ZC3H6: variants seen among roughly 807,000 people sequenced by gnomAD.
ZC3H6 encodes zinc finger CCCH domain-containing protein 6.
Under a neutral mutation model 107.7 loss-of-function variants are expected in ZC3H6, and 40 were observed. The ratio of observed to expected loss-of-function variants is 0.37; its 90% CI spans 0.29 to 0.48. The LOEUF is 0.48. ZC3H6 is among the 20% of genes least tolerant of loss of function. ZC3H6 has a pLI of 0.98. For missense variants in ZC3H6, 1,267 were observed against 1,410.4 expected (o/e 0.90, Z 1.63); for synonymous variants, 493 against 487.9 (o/e 1.01, Z -0.14).
intron 4 of ZC3H6, 61 bp from the exon 5 acceptor site, chr2:112,311,743 C>CTTAT: frequency 6.9e-7 from 1 of 1,453,234 alleles, no homozygotes; most frequent in Non-Finnish European, 9.4e-7. Context: ...TCCTTATAAA[C>CTTAT]TAATAAATTG....
intron 1 of ZC3H6, among the ~76,000 whole-genome samples, chr2:112,297,543 G>A (rs903833396): frequency 6.6e-5 from 10 of 151,998 alleles, no homozygotes; most frequent in Non-Finnish European, 1.3e-4. Context: ...CATGTGTATC[G>A]GTTGGTTTAT....
chr2:112,322,786 T>C lies in ZC3H6; in HGVS notation c.1224T>C (p.Phe408=). Residue 408 remains phenylalanine (F), a synonymous_variant, in exon 9 of 12, where the codon TTT becomes TTC. Transcript: ENST00000409871. Reference sequence around the variant, plus strand: ...CAACCCCTCCAGAGCATTTTCCCTTTTCTGATCCTGAAGACGATTTTCAGA... The same window carrying C: ...CAACCCCTCCAGAGCATTTTCCCTTCTCTGATCCTGAAGACGATTTTCAGA... ...LLPTPPEHFP[F]SDPEDDFQTD... 1 of 1,613,940 alleles carries C rather than the reference T, an allele frequency of 6.2e-7. No homozygotes were observed. Among genetic ancestry groups the C allele is most frequent in the Non-Finnish European group, 8.5e-7 (1 of 1,179,874 alleles).
In ZC3H6 at chr2:112,317,229, G is replaced by A. The variant is rs1676715083; in HGVS notation, c.873G>A (p.Gln291=). 2.7e-6 allele frequency: 4 copies of A among 1,465,852 alleles called. No homozygotes were observed. In the South Asian group the frequency reaches 4.1e-5, roughly 15 times the overall value. The allele number at this position is 1,465,852 out of a possible 1,614,324, so 90.8% of individuals were successfully genotyped here. ...TTTTTTTTTGTGAATAGGGAGATCA[G>A]TGTAAATTTGATCATGATGCAGAGT... The part of the protein sequence containing the change: ...FLEGRCIKGD[Q]CKFDHDAELE... Residue 291 remains glutamine, a synonymous_variant, in exon 7 of 12, where the codon CAG becomes CAA. Transcript: ENST00000409871.
In ZC3H6 at chr2:112,324,236, T is replaced by C. The variant is rs1395311610; in HGVS notation, c.1425T>C (p.Ser475=). 2 of 1,613,308 alleles carry C rather than the reference T, an allele frequency of 1.2e-6. No homozygotes were observed. The highest frequency in any genetic ancestry group is 4.5e-5 in the East Asian group (2 of 44,846). Residue 475 remains serine (S), a synonymous_variant, in exon 10 of 12, where the codon TCT becomes TCC. Transcript: ENST00000409871. The stretch of plus-strand genomic sequence containing the variant: ...CACACCCTCAACATATCTATAGTTC[T>C]GGGTCAAGTCCAGGTCCTGGACCTA... The part of the protein sequence containing the change: ...SSPHPQHIYS[S]GSSPGPGPNM...
rs1558958873 is a variant in ZC3H6 at position 112,331,677 on chromosome 2, A to G, written c.2759A>G (p.Asp920Gly). 1.9e-6 allele frequency: 3 copies of G among 1,613,934 alleles called. No individual in the cohort carries two copies. Among genetic ancestry groups the G allele is most frequent in the South Asian group, 2.2e-5 (2 of 91,070 alleles). The change falls in exon 12 of 12, where the codon GAT becomes GGT. Residue 920 changes from aspartate to glycine, a missense_variant. This residue lies in a region of ZC3H6 where 925 missense variants were observed against 1,025.7 expected (regional missense o/e 0.90). Coordinates refer to ENST00000409871, the MANE Select transcript of ZC3H6 (RefSeq NM_198581.3). The stretch of plus-strand genomic sequence containing the variant: ...AATAGATTATGGAATACAAAAAGTG[A>G]TCTTCATCAAAATACAGTGTCCATT... The part of the protein sequence containing the change: ...RLNRLWNTKS[D>G]LHQNTVSIDP...
Position 112,324,167 on chromosome 2 carries a change from T to G in ZC3H6, c.1356T>G (p.Tyr452Ter). The change falls in exon 10 of 12, where the codon TAT becomes TAG. Residue 452 changes from tyrosine to a stop codon, truncating the protein, a stop_gained. Transcript: ENST00000409871. LOFTEE classifies it high-confidence loss of function. ...CTGTCTACAGGCCACCAGCATTTTATACCAGTGCCTCACCACCAGGACCAC... is the reference window on the plus strand; with the variant it reads ...CTGTCTACAGGCCACCAGCATTTTAGACCAGTGCCTCACCACCAGGACCAC... The part of the protein sequence containing the change: ...HKIGRKPPAF[Y>*]TSASPPGPQF... 6.3e-7 allele frequency: 1 copy of G among 1,581,608 alleles called. No individual in the cohort carries two copies. Among genetic ancestry groups the G allele is most frequent in the Non-Finnish European group, 8.6e-7 (1 of 1,157,436 alleles).
At chr2:112,286,121 A>C (rs62158754) in intron 1 of ZC3H6, 205,200 of 354,842 alleles carry the variant, frequency 0.58, 63,156 homozygotes, top group African/African-American at 0.9. Flanking sequence ...TTTCCTATCC[A>C]TGTCAGTTTT....
At chr2:112,305,119 C>T (rs1042818817) in intron 3 of ZC3H6, among the ~76,000 whole-genome samples, 5 of 152,114 alleles carry the variant, frequency 3.3e-5, no homozygotes, top group African/African-American at 1.2e-4. Context: ...ATTTTTACCA[C>T]AAGTGACAAA....
Position 112,331,655 on chromosome 2 carries a change from A to G in ZC3H6, c.2737A>G (p.Arg913Gly). The G allele has an allele frequency of 6.2e-7, 1 of 1,613,992 alleles. No individual in the cohort carries two copies. The highest frequency in any genetic ancestry group is 8.5e-7 in the Non-Finnish European group (1 of 1,179,894). ...ACTTATAGCTGACCAGAGGCTAAAT[A>G]GATTATGGAATACAAAAAGTGATCT... ...PPLIADQRLNRLWNTKSDLHQ... is the reference protein window; with the variant it reads ...PPLIADQRLNGLWNTKSDLHQ... The change falls in exon 12 of 12, where the codon AGA becomes GGA. Residue 913 changes from arginine to glycine, a missense_variant. Arg to Gly is a moderately radical substitution (Grantham distance 125). Coordinates refer to ENST00000409871, the MANE Select transcript of ZC3H6 (RefSeq NM_198581.3).
In ZC3H6 at chr2:112,339,818, TAG is replaced by T. The variant is rs1677210031; in HGVS notation, c.*7331_*7332del. On this transcript the variant is annotated 3_prime_UTR_variant, in exon 12 of 12. Transcript: ENST00000409871. The stretch of plus-strand genomic sequence containing the variant: ...TGGAAGGTTTTACTAGATATCAGTT[TAG>T]TAGATTAATGACGTTGTTAATCTGT... 1 of 152,124 alleles carries T rather than the reference TAG, an allele frequency of 6.6e-6. No individual in the cohort carries two copies. The highest frequency in any genetic ancestry group is 2.4e-5 in the African/African-American group (1 of 41,408). The allele number at this position is 152,124 out of a possible 1,614,324, so 9.4% of individuals were successfully genotyped here.
intron 1 of ZC3H6, among the ~76,000 whole-genome samples, chr2:112,294,489 A>G (rs1676189609): frequency 6.6e-6 from 1 of 152,186 alleles, no homozygotes; most frequent in South Asian, 2.1e-4. Context: ...TGTGGTGATC[A>G]TATTATCCCA....
chr2:112,320,087 C>T (rs1312290733), intron 7 of ZC3H6, among the ~76,000 whole-genome samples: 1 of 152,100 alleles, frequency 6.6e-6, no homozygotes, highest in African/African-American at 2.4e-5. Flanking sequence ...CATGCACCAC[C>T]ACGCCTGGCT....
Position 112,334,045 on chromosome 2 carries a change from C to CT in ZC3H6, c.*1558dup, listed in dbSNP as rs1405132235. 6.6e-6 allele frequency: 1 copy of CT among 151,928 alleles called. No homozygotes were observed. Among genetic ancestry groups the CT allele is most frequent in the Non-Finnish European group, 1.5e-5 (1 of 67,968 alleles). The allele number at this position is 151,928 out of a possible 1,614,324, so 9.4% of individuals were successfully genotyped here. A position where few individuals can be genotyped will look rare whatever the true frequency, so the allele number is the denominator to read the frequency against. ...GCCTACCTAAGAAGTTCATTGTGTT[C>CT]TAAGTGGAAGGAGAGTTACTGAAGG... is the stretch of plus-strand genomic sequence containing the variant. On this transcript the variant is annotated 3_prime_UTR_variant, in exon 12 of 12. Transcript: ENST00000409871.
In ZC3H6 at chr2:112,322,836, A is replaced by C; in HGVS notation, c.1274A>C (p.Lys425Thr). ...FQTDFSDDFR[K>T]IPSLFEIVVK... ...ACAGATTTCTCTGATGATTTTAGGA[A>C]AATTCCATCTCTTTTTGAAATAGTT... Residue 425 changes from lysine to threonine, a missense_variant, in exon 9 of 12, where the codon AAA becomes ACA. Physicochemically the swap from Lys to Thr is moderately conservative, Grantham distance 78. This residue lies in a region of ZC3H6 where 925 missense variants were observed against 1,025.7 expected (regional missense o/e 0.90). Coordinates refer to ENST00000409871, the MANE Select transcript of ZC3H6 (RefSeq NM_198581.3). The C allele has an allele frequency of 3.1e-6, 5 of 1,613,638 alleles. No individual in the cohort carries two copies. The highest frequency in any genetic ancestry group is 4.2e-6 in the Non-Finnish European group (5 of 1,179,810).
At chr2:112,293,747 G>A (rs1676165468) in intron 1 of ZC3H6, among the ~76,000 whole-genome samples, 1 of 152,192 alleles carries the variant, frequency 6.6e-6, no homozygotes, top group African/African-American at 2.4e-5. Flanking sequence ...GATCAGAATA[G>A]GCATGGGCAA....
In ZC3H6 at chr2:112,333,158, A is replaced by G. The variant is rs1364590455; in HGVS notation, c.*670A>G. ...ATTTTGCTAAAGTGAAAAATTTCCA[A>G]GTTCTCTAGCATAACTTTTTACATT... On this transcript the variant is annotated 3_prime_UTR_variant, in exon 12 of 12. Coordinates refer to ENST00000409871, the MANE Select transcript of ZC3H6 (RefSeq NM_198581.3). 2 of 152,606 alleles carry G rather than the reference A, an allele frequency of 1.3e-5. No homozygotes were observed. Among genetic ancestry groups the G allele is most frequent in the Non-Finnish European group, 2.9e-5 (2 of 67,992 alleles). 9.5% of individuals were successfully genotyped at this position (152,606 alleles called of 1,614,324 possible).
rs1467104849 is a variant in ZC3H6 at position 112,333,803 on chromosome 2, A to G, written c.*1315A>G. ...TTGAAAAGGAGCATTTCACTATAAA[A>G]GATAATGAAGTAGGTAATGAAATCA... is the stretch of plus-strand genomic sequence containing the variant. On this transcript the variant is annotated 3_prime_UTR_variant, in exon 12 of 12. Transcript: ENST00000409871. 6.6e-6 allele frequency: 1 copy of G among 152,150 alleles called. No homozygotes were observed. The highest frequency in any genetic ancestry group is 1.9e-4 in the East Asian group (1 of 5,202). The allele number at this position is 152,150 out of a possible 1,614,324, so 9.4% of individuals were successfully genotyped here.
In ZC3H6 at chr2:112,276,022, G is replaced by T; in HGVS notation, c.28G>T (p.Asp10Tyr). The T allele has an allele frequency of 1.3e-6, 2 of 1,542,482 alleles. No homozygotes were observed. The highest frequency in any genetic ancestry group is 1.4e-5 in the African/African-American group (1 of 71,498). ...GACAGACTCTGAACATGCAGGGCACGACAGGTCGGGAACCCTTCTTGTCTG... is the reference window on the plus strand; with the variant it reads ...GACAGACTCTGAACATGCAGGGCACTACAGGTCGGGAACCCTTCTTGTCTG... MTDSEHAGH[D>Y]REDGELEDGE... The change falls in exon 1 of 12, where the codon GAC (aspartate) becomes TAC (tyrosine). Residue 10 changes from aspartate to tyrosine, a missense_variant. By Grantham distance (160) the Asp-to-Tyr change is radical (BLOSUM62 -3). Transcript: ENST00000409871.
chr2:112,281,714 A>G (rs1196232432), intron 1 of ZC3H6, among the ~76,000 whole-genome samples: 1 of 152,218 alleles, frequency 6.6e-6, no homozygotes, highest in African/African-American at 2.4e-5. Context: ...AGAGTTGGAT[A>G]TAAATATCTG....
Sources: allele counts gnomAD v4.1 joint callset (sites outside exome capture counted in the v4.1 genomes callset), GRCh38; gene constraint gnomAD v4.1.1; regional missense constraint gnomAD v4.1.1; transcripts MANE v1.5; gene names NCBI Gene and HGNC (gene_info 2026-07-23, HGNC 2026-07-21).